MYZAP: variants seen among roughly 807,000 people sequenced by gnomAD.
The protein encoded by MYZAP is myocardial zonula adherens protein.
In MYZAP, 66 loss-of-function variants were observed where a neutral mutation model predicts 69.4. The ratio of observed to expected loss-of-function variants is 0.95; its 90% CI spans 0.78 to 1.17. The LOEUF (loss-of-function observed/expected upper bound fraction) is 1.17. MYZAP is among the 50% of genes most tolerant of loss of function. MYZAP has a pLI of 0.00. For missense variants in MYZAP, 611 were observed against 556.2 expected, an observed-to-expected ratio of 1.10 and a Z score of -0.99; for synonymous variants, 256 against 205.9, an observed-to-expected ratio of 1.24 and a Z score of -2.09.
rs912505060 is a variant in MYZAP at position 57,649,471 on chromosome 15, T to G, written c.1119+9926T>G. Among the ~76,000 whole-genome samples, 5 of 152,250 alleles carry G rather than the reference T, an allele frequency of 3.3e-5. No homozygotes were observed. In the East Asian group the frequency reaches 9.6e-4, roughly 29 times the overall value. On this transcript the variant is annotated intron_variant, in intron 10 of 12. Coordinates refer to ENST00000267853, the MANE Select transcript of MYZAP (RefSeq NM_001018100.5). ...GAAACTTGTGAGGTTGAGAAACTTT[T>G]CTTAAGCTTATTGGCCATTCAAGTT...
intron 10 of MYZAP, among the ~76,000 whole-genome samples, chr15:57,657,041 C>T (rs1336996734): frequency 1.3e-5 from 2 of 152,108 alleles, no homozygotes; most frequent in Non-Finnish European, 2.9e-5. Flanking sequence ...GATGTATTAA[C>T]CATTCACTGA....
chr15:57,681,775 A>G (rs1338782882), intron 12 of MYZAP, among the ~76,000 whole-genome samples: 1 of 151,598 alleles, frequency 6.6e-6, no homozygotes, highest in African/African-American at 2.4e-5. Context: ...AGAGAGAGAG[A>G]TTTGGTCTCA....
At position 57,629,855 on chromosome 15, in the gene MYZAP, G is replaced by A. The variant is rs541541184; in HGVS notation, c.678+1G>A. 3.7e-6 allele frequency: 6 copies of A among 1,612,904 alleles called. No homozygotes were observed. Among genetic ancestry groups the A allele is most frequent in the Middle Eastern group, 3.3e-4 (2 of 6,062 alleles). ...TGAAAACCAGCTGCTAAAAATGAAG[G>A]TGGAGTATAAAAGCCTAGATTTATT... On this transcript the variant is annotated splice_donor_variant, in intron 6 of 12. Transcript: ENST00000267853. LOFTEE classifies it high-confidence loss of function.
intron 2 of MYZAP, 41 bp from the exon 3 acceptor site, chr15:57,617,992 A>G (rs2035580944): frequency 6.3e-7 from 1 of 1,596,990 alleles, no homozygotes. Flanking sequence ...ATGAGGCCTA[A>G]AGAGTCATTA....
chr15:57,666,419 G>A (rs1446448631), intron 11 of MYZAP, among the ~76,000 whole-genome samples: 4 of 152,034 alleles, frequency 2.6e-5, no homozygotes, highest in African/African-American at 9.7e-5. Context: ...AGAGAATATG[G>A]ATTATTTTAG....
chr15:57,608,244 C>T (rs1203049443), intron 2 of MYZAP, among the ~76,000 whole-genome samples: 1 of 152,140 alleles, frequency 6.6e-6, no homozygotes, highest in African/African-American at 2.4e-5. Flanking sequence ...GGGGATGCCA[C>T]GATGCCATGG....
intron 12 of MYZAP, among the ~76,000 whole-genome samples, chr15:57,678,541 A>C (rs2039258817): frequency 6.6e-6 from 1 of 152,220 alleles, no homozygotes; most frequent in South Asian, 2.1e-4. Flanking sequence ...GATTTCATTA[A>C]CTTTTTATTG....
intron 1 of MYZAP, among the ~76,000 whole-genome samples, chr15:57,595,276 C>A (rs1250626281): frequency 6.6e-6 from 1 of 152,078 alleles, no homozygotes; most frequent in Non-Finnish European, 1.5e-5. Flanking sequence ...TGCCAACCAG[C>A]AGAAGTTGTG....
chr15:57,679,487 T>C (rs2039323135), intron 12 of MYZAP, among the ~76,000 whole-genome samples: 2 of 151,998 alleles, frequency 1.3e-5, no homozygotes, highest in Non-Finnish European at 2.9e-5. Flanking sequence ...AGAGCAATGC[T>C]TGGCACATAC....
intron 1 of MYZAP, among the ~76,000 whole-genome samples, chr15:57,594,557 G>A (rs2033932234): frequency 6.6e-6 from 1 of 152,150 alleles, no homozygotes; most frequent in Non-Finnish European, 1.5e-5. Context: ...ACCACATTTT[G>A]GTCAACAGTA....
intron 9 of MYZAP, 136 bp from the exon 10 acceptor site, chr15:57,639,304 C>T: frequency 1.1e-6 from 1 of 919,966 alleles, no homozygotes; most frequent in Non-Finnish European, 1.6e-6. Context: ...GCCTTGGCCT[C>T]TTGAAGTGTT....
chr15:57,614,351 G>C (rs1409859679), intron 2 of MYZAP, among the ~76,000 whole-genome samples: 3 of 152,204 alleles, frequency 2.0e-5, no homozygotes, highest in African/African-American at 7.2e-5. Flanking sequence ...AGGGAAGCAG[G>C]GCTTCCCCAC....
intron 4 of MYZAP, among the ~76,000 whole-genome samples, chr15:57,624,277 G>A (rs1421405776): frequency 2.6e-5 from 4 of 152,226 alleles, no homozygotes; most frequent in Non-Finnish European, 5.9e-5. Context: ...AAGAAGGGCA[G>A]TTACAACAGT....
rs555833320 is a variant in MYZAP at position 57,609,303 on chromosome 15, A to G, written c.162+4948A>G. 5.1e-4 allele frequency among the ~76,000 whole-genome samples: 77 copies of G among 152,318 alleles called. 3 individuals carry two copies. The South Asian group carries it at 7.0e-3, about 14-fold the overall frequency. On this transcript the variant is annotated intron_variant, in intron 2 of 12. Coordinates refer to ENST00000267853, the MANE Select transcript of MYZAP (RefSeq NM_001018100.5). ...AAAAACGAGATGGCTTCAATAACCG[A>G]AAGTATTCTGTCACGGTTCTGGAGT...
chr15:57,633,366 A>G (rs747995341), intron 7 of MYZAP, among the ~76,000 whole-genome samples: 3 of 152,178 alleles, frequency 2.0e-5, no homozygotes, highest in African/African-American at 7.2e-5. Flanking sequence ...CCTTTTGGAT[A>G]TAAAGACTTA....
At chr15:57,672,027 T>C (rs1489984979) in intron 11 of MYZAP, among the ~76,000 whole-genome samples, 1 of 152,248 alleles carries the variant, frequency 6.6e-6, no homozygotes, top group East Asian at 1.9e-4. Context: ...ACATCCTGCC[T>C]GTCTGTGATG....
At chr15:57,637,902 A>G in intron 9 of MYZAP, 128 bp downstream of exon 9, 1 of 975,072 alleles carries the variant, frequency 1.0e-6, no homozygotes, top group Non-Finnish European at 1.5e-6. Context: ...AGCATACATA[A>G]CATTGGGCTG....
chr15:57,604,288 G>C lies in MYZAP; in HGVS notation c.95G>C (p.Arg32Pro). The C allele has an allele frequency of 6.2e-7, 1 of 1,614,176 alleles. No homozygotes were observed. Among genetic ancestry groups the C allele is most frequent in the Non-Finnish European group, 8.5e-7 (1 of 1,180,038 alleles). ...PSRRANVCRL[R>P]LTVPPESPVP... ...TTCTAGGCAAATGTTTGCAGACTAC[G>C]GCTGACCGTACCTCCTGAGAGTCCA... Residue 32 changes from arginine (R) to proline (P), a missense_variant, in exon 2 of 13, where the codon CGG (arginine) becomes CCG (proline). Coordinates refer to ENST00000267853, the MANE Select transcript of MYZAP (RefSeq NM_001018100.5).
chr15:57,592,119 G>C lies in MYZAP; in HGVS notation c.75+10G>C. 1 of 1,310,570 alleles carries C rather than the reference G, an allele frequency of 7.6e-7. No homozygotes were observed. The highest frequency in any genetic ancestry group is 9.7e-7 in the Non-Finnish European group (1 of 1,031,896). The allele number at this position is 1,310,570 out of a possible 1,614,324, so 81.2% of individuals were successfully genotyped here. On this transcript the variant is annotated intron_variant, in intron 1 of 12. Coordinates refer to ENST00000267853, the MANE Select transcript of MYZAP (RefSeq NM_001018100.5). ...GGCGCCCAGCAGGAGGGTGAGTAGCGGGGGCGGGAGCCGCCGCCGTCCCGT... is the reference window on the plus strand; with the variant it reads ...GGCGCCCAGCAGGAGGGTGAGTAGCCGGGGCGGGAGCCGCCGCCGTCCCGT...
Sources: gnomAD v4.1 joint callset for allele counts (sites outside exome capture counted in the v4.1 genomes callset) on GRCh38, gnomAD v4.1.1 for gene constraint, MANE v1.5 for transcripts, NCBI Gene and HGNC (gene_info 2026-07-23, HGNC 2026-07-21) for gene names.